ZMAT4: variants seen among roughly 807,000 people sequenced by gnomAD.
ZMAT4 encodes the protein zinc finger matrin-type 4, also known as zinc finger matrin-type protein 4.
In ZMAT4, 17 loss-of-function variants were observed where a neutral mutation model predicts 28.7. That is an observed-to-expected ratio of 0.59 (90% CI 0.41 to 0.89). The LOEUF (loss-of-function observed/expected upper bound fraction) is 0.89, where lower values mean the gene tolerates loss of function less well. Among genes scored for constraint, ZMAT4 ranks in the 40% least tolerant of loss-of-function variants. The pLI is 0.00. For synonymous variants in ZMAT4, 117 were observed against 109.2 expected, an observed-to-expected ratio of 1.07 and a Z score of -0.44; for missense variants, 240 against 283.8, an observed-to-expected ratio of 0.85 and a Z score of 1.11.
At chr8:40,811,842 C>T (rs945795965) in intron 2 of ZMAT4, among the ~76,000 whole-genome samples, 7 of 152,048 alleles carry the variant, frequency 4.6e-5, no homozygotes, top group Admixed American at 6.6e-5. Flanking sequence ...GTTAAAAATA[C>T]ATGCCGGACC....
At chr8:40,691,798 G>A (rs762151823) in intron 4 of ZMAT4, among the ~76,000 whole-genome samples, 2 of 152,040 alleles carry the variant, frequency 1.3e-5, no homozygotes, top group Non-Finnish European at 2.9e-5. Context: ...AACAAATTGA[G>A]GGCTGAACAG....
chr8:40,753,929 T>C (rs1812562608), intron 3 of ZMAT4, among the ~76,000 whole-genome samples: 1 of 152,150 alleles, frequency 6.6e-6, no homozygotes, highest in Non-Finnish European at 1.5e-5. Flanking sequence ...GGCTCACGCT[T>C]GTAATCCCAG....
At chr8:40,808,582 A>T (rs1471178786) in intron 2 of ZMAT4, 1 of 455,896 alleles carries the variant, frequency 2.2e-6, no homozygotes, top group African/African-American at 2.0e-5. Context: ...CTGCAAAAAA[A>T]AAAAAAGTGC....
At chr8:40,807,208 A>G (rs1586086279) in intron 2 of ZMAT4, among the ~76,000 whole-genome samples, 1 of 150,658 alleles carries the variant, frequency 6.6e-6, no homozygotes, top group Non-Finnish European at 1.5e-5. Context: ...TTGGGAGGCT[A>G]AGGCAGGTGG....
chr8:40,697,457 A>C, intron 3 of ZMAT4, 56 bp from the exon 4 acceptor site: 2 of 1,427,652 alleles, frequency 1.4e-6, no homozygotes, highest in South Asian at 3.3e-5. Context: ...ATTCTTTTAC[A>C]AATGAGACTT....
rs556980942 is a variant in ZMAT4, at chr8:40,785,872, T to C, written c.103-18142A>G. On this transcript the variant is annotated intron_variant, in intron 2 of 6. Transcript: ENST00000297737. ...ATTTCAAATAAGCCTGGCCCACTTTTTTTTTACCTGCTAAATAATTTGCTG... is the reference window on the plus strand; with the variant it reads ...ATTTCAAATAAGCCTGGCCCACTTTCTTTTTACCTGCTAAATAATTTGCTG... Among the ~76,000 whole-genome samples the C allele has an allele frequency of 7.9e-5, 12 of 152,320 alleles. No homozygotes were observed. In the South Asian group the frequency reaches 2.5e-3, roughly 32 times the overall value.
chr8:40,663,198 A>G (rs1808274239), intron 5 of ZMAT4, among the ~76,000 whole-genome samples: 1 of 152,042 alleles, frequency 6.6e-6, no homozygotes, highest in African/African-American at 2.4e-5. Flanking sequence ...ACCCTTCCCC[A>G]TCTGGCCTGT....
chr8:40,808,054 T>C (rs1361859564), intron 2 of ZMAT4, among the ~76,000 whole-genome samples: 1 of 152,152 alleles, frequency 6.6e-6, no homozygotes, highest in Non-Finnish European at 1.5e-5. Flanking sequence ...CTTTTTAAAC[T>C]AGGAAAAATG....
At chr8:40,733,051 C>T (rs997606687) in intron 3 of ZMAT4, among the ~76,000 whole-genome samples, 6 of 151,818 alleles carry the variant, frequency 4.0e-5, no homozygotes, top group African/African-American at 1.5e-4. Context: ...TGCTATGTTG[C>T]CCAGGCTGGT....
chr8:40,837,535 T>C (rs539149317), intron 1 of ZMAT4, among the ~76,000 whole-genome samples: 1 of 152,182 alleles, frequency 6.6e-6, no homozygotes, highest in Non-Finnish European at 1.5e-5. Flanking sequence ...AGTGCACTTT[T>C]TACCCAGTGA....
At chr8:40,639,805 C>A (rs550171904) in intron 5 of ZMAT4, among the ~76,000 whole-genome samples, 73 of 151,036 alleles carry the variant, frequency 4.8e-4, no homozygotes, top group Non-Finnish European at 8.9e-4. Context: ...CACACACATT[C>A]TTTGTATATA....
At chr8:40,833,358 A>G (rs1816354308) in intron 1 of ZMAT4, among the ~76,000 whole-genome samples, 1 of 152,108 alleles carries the variant, frequency 6.6e-6, no homozygotes, top group Admixed American at 6.6e-5. Flanking sequence ...TTATGAGGTC[A>G]GGAGTTCGAG....
intron 1 of ZMAT4, among the ~76,000 whole-genome samples, chr8:40,837,217 T>C (rs369712468): frequency 8.5e-5 from 13 of 152,336 alleles, no homozygotes; most frequent in East Asian, 5.8e-4. Flanking sequence ...GTTCCAGGCC[T>C]GGCCCTTAAA....
At chr8:40,572,023 T>G (rs771721823) in intron 6 of ZMAT4, among the ~76,000 whole-genome samples, 10 of 152,300 alleles carry the variant, frequency 6.6e-5, no homozygotes, top group Admixed American at 2.6e-4. Flanking sequence ...CATGCATGAC[T>G]TATGATTTGT....
At chr8:40,889,377 C>A (rs1818583630) in intron 1 of ZMAT4, among the ~76,000 whole-genome samples, 1 of 152,200 alleles carries the variant, frequency 6.6e-6, no homozygotes, top group Non-Finnish European at 1.5e-5. Context: ...CAGCATCGCA[C>A]CCAGCTTTGC....
intron 6 of ZMAT4, among the ~76,000 whole-genome samples, chr8:40,540,702 G>A (rs1213666803): frequency 2.6e-5 from 4 of 152,240 alleles, no homozygotes; most frequent in Non-Finnish European, 4.4e-5. Flanking sequence ...GCTGACATCT[G>A]AAGTGAGGGC....
intron 5 of ZMAT4, among the ~76,000 whole-genome samples, chr8:40,670,624 A>G (rs934744228): frequency 5.9e-5 from 9 of 152,370 alleles, no homozygotes; most frequent in African/African-American, 2.2e-4. Context: ...CATAATGCAT[A>G]TATTCAACAA....
chr8:40,552,749 C>G (rs1563336936), intron 6 of ZMAT4, among the ~76,000 whole-genome samples: 1 of 152,176 alleles, frequency 6.6e-6, no homozygotes, highest in Non-Finnish European at 1.5e-5. Flanking sequence ...CAAAAGGCCA[C>G]ACGGGGCCTC....
chr8:40,550,536 C>T (rs963728820), intron 6 of ZMAT4, among the ~76,000 whole-genome samples: 1 of 152,154 alleles, frequency 6.6e-6, no homozygotes, highest in Admixed American at 6.5e-5. Flanking sequence ...AATTGTAATC[C>T]TCATATTCCC....
Sources: allele counts gnomAD v4.1 joint callset (sites outside exome capture counted in the v4.1 genomes callset), GRCh38; gene constraint gnomAD v4.1.1; transcripts MANE v1.5; gene names NCBI Gene and HGNC (gene_info 2026-07-23, HGNC 2026-07-21).